Variants in MIS18BP1 observed in about 807,000 individuals in gnomAD.
The protein encoded by MIS18BP1 is MIS18 binding protein 1, also known as mis18-binding protein 1.
MIS18BP1 carries 72 observed loss-of-function variants against 116.1 expected under a neutral mutation model. The ratio of observed to expected loss-of-function variants is 0.62; its 90% CI spans 0.51 to 0.75. MIS18BP1 has a LOEUF of 0.75. MIS18BP1 is among the 30% of genes least tolerant of loss of function. The pLI is 0.00. For synonymous variants in MIS18BP1, 386 were observed against 427.0 expected (o/e 0.90, Z 1.18); for missense variants, 1,363 against 1,303.2 (o/e 1.05, Z -0.71).
Position 45,204,386 on chromosome 14 carries a change from G to C in MIS18BP1, c.3295+13C>G. On this transcript the variant is annotated intron_variant, in intron 16 of 16. Coordinates refer to ENST00000310806, the MANE Select transcript of MIS18BP1 (RefSeq NM_018353.5). ...TAGAACTGAGCCACAAAAGAAAGCT[G>C]TAAGTGTATTACCTGTGTTAAATGG... The C allele has an allele frequency of 6.3e-7, 1 of 1,597,606 alleles. No homozygotes were observed. Among genetic ancestry groups the C allele is most frequent in the Non-Finnish European group, 8.5e-7 (1 of 1,173,870 alleles).
At chr14:45,241,983 G>A in intron 4 of MIS18BP1, 51 bp downstream of exon 4, 1 of 1,522,218 alleles carries the variant, frequency 6.6e-7, no homozygotes, top group Non-Finnish European at 8.8e-7. Context: ...TCAAGCTCTT[G>A]AAGAACGGGG....
At chr14:45,205,721 A>AG (rs1436292691) in intron 15 of MIS18BP1, among the ~76,000 whole-genome samples, 3 of 152,242 alleles carry the variant, frequency 2.0e-5, no homozygotes. Context: ...TTACTTTATG[A>AG]GAATTGTGAC....
chr14:45,251,400 T>C (rs1252959), intron 1 of MIS18BP1, among the ~76,000 whole-genome samples: 27,108 of 152,052 alleles, frequency 0.18, 3,182 homozygotes, highest in African/African-American at 0.33. Flanking sequence ...ACAAGTGACA[T>C]ATATAAATAC....
intron 7 of MIS18BP1, 128 bp from the exon 8 acceptor site, chr14:45,231,426 C>T (rs993076504): frequency 7.9e-6 from 6 of 759,590 alleles, no homozygotes; most frequent in Non-Finnish European, 1.2e-5. Flanking sequence ...TATCTTTAAT[C>T]TTACATTATT....
chr14:45,210,663 G>C, intron 13 of MIS18BP1, 135 bp from the exon 14 acceptor site: 2 of 952,938 alleles, frequency 2.1e-6, no homozygotes, highest in East Asian at 2.5e-5. Context: ...ACAGTAGTAC[G>C]TAGAGGAGTA....
intron 13 of MIS18BP1, among the ~76,000 whole-genome samples, chr14:45,214,681 CA>C (rs765847349): frequency 4.6e-5 from 7 of 152,224 alleles, no homozygotes; most frequent in Non-Finnish European, 1.0e-4. Flanking sequence ...AGGGGCAGGC[CA>C]CCCCTTCAAA....
At chr14:45,240,180 T>C (rs1891537457) in intron 4 of MIS18BP1, among the ~76,000 whole-genome samples, 1 of 151,686 alleles carries the variant, frequency 6.6e-6, no homozygotes, top group South Asian at 2.1e-4. Flanking sequence ...AGAGTGCGTG[T>C]AGGTAGAAAA....
chr14:45,214,886 G>A (rs1388932903), intron 13 of MIS18BP1, among the ~76,000 whole-genome samples: 1 of 152,104 alleles, frequency 6.6e-6, no homozygotes, highest in African/African-American at 2.4e-5. Flanking sequence ...CCAGTAGCTG[G>A]GATTACAGGT....
In MIS18BP1 at chr14:45,247,313, C is replaced by T. The variant is rs1891751119; in HGVS notation, c.-27G>A. 1 of 1,510,968 alleles carries T rather than the reference C, an allele frequency of 6.6e-7. No homozygotes were observed. Among genetic ancestry groups the T allele is most frequent in the Non-Finnish European group, 8.8e-7 (1 of 1,136,982 alleles). The allele number at this position is 1,510,968 out of a possible 1,614,324, so 93.6% of individuals were successfully genotyped here. On this transcript the variant is annotated 5_prime_UTR_variant, in exon 2 of 17. Transcript: ENST00000310806. ...TTGACAAGAAAGTAGCAACCAAGTT[C>T]TTCTAACAGAAAATTCACTTAAGCG... is the stretch of plus-strand genomic sequence containing the variant.
chr14:45,225,897 A>G (rs958913862), intron 10 of MIS18BP1, among the ~76,000 whole-genome samples: 1 of 152,202 alleles, frequency 6.6e-6, no homozygotes, highest in Non-Finnish European at 1.5e-5. Context: ...GATAGATAAT[A>G]TTGAATGCTG....
At chr14:45,213,959 T>C (rs985181347) in intron 13 of MIS18BP1, among the ~76,000 whole-genome samples, 1 of 152,148 alleles carries the variant, frequency 6.6e-6, no homozygotes, top group African/African-American at 2.4e-5. Flanking sequence ...GCAGTATGCT[T>C]GTTAAAAGTC....
intron 11 of MIS18BP1, among the ~76,000 whole-genome samples, chr14:45,222,796 C>T (rs1417137040): frequency 6.6e-6 from 1 of 152,204 alleles, no homozygotes; most frequent in South Asian, 2.1e-4. Flanking sequence ...CCTGGAGTTT[C>T]CCTTGTCAGT....
intron 1 of MIS18BP1, chr14:45,249,915 A>G (rs376824873): frequency 1.3e-5 from 2 of 152,226 alleles, no homozygotes; most frequent in South Asian, 2.1e-4. Context: ...AGACTGCAAA[A>G]CAAAATGGCA....
chr14:45,240,523 A>G (rs750080454), intron 4 of MIS18BP1, among the ~76,000 whole-genome samples: 2 of 151,954 alleles, frequency 1.3e-5, no homozygotes, highest in Middle Eastern at 3.2e-3. Flanking sequence ...CTCTATGCTG[A>G]TAGCTCTCCA....
chr14:45,234,062 T>C (rs1165931768), intron 6 of MIS18BP1, among the ~76,000 whole-genome samples: 1 of 152,046 alleles, frequency 6.6e-6, no homozygotes, highest in African/African-American at 2.4e-5. Context: ...TCAGGCAGCA[T>C]AAAAATTGGA....
At position 45,247,259 on chromosome 14, in the gene MIS18BP1, T is replaced by C. The variant is rs201268574; in HGVS notation, c.28A>G (p.Arg10Gly). 97 of 1,586,754 alleles carry C rather than the reference T, an allele frequency of 6.1e-5. No homozygotes were observed. The highest frequency in any genetic ancestry group is 4.2e-4 in the Admixed American group (22 of 52,782). Residue 10 changes from arginine to glycine, a missense_variant, in exon 2 of 17, where the codon AGA becomes GGA. By Grantham distance (125) the Arg-to-Gly change is moderately radical (BLOSUM62 -2). Coordinates refer to ENST00000310806, the MANE Select transcript of MIS18BP1 (RefSeq NM_018353.5). The part of the protein sequence containing the change: MIATPLKHS[R>G]IYLPPEASSQ... Reference sequence around the variant, plus strand: ...GATGCCTCTGGAGGTAAGTAAATTCTTGAATGTTTCAAAGGTGTTGCAATC... The same window carrying C: ...GATGCCTCTGGAGGTAAGTAAATTCCTGAATGTTTCAAAGGTGTTGCAATC...
chr14:45,226,736 ATAT>A lies in MIS18BP1; in HGVS notation c.1840+4_1840+6del. 1 of 1,374,662 alleles carries A rather than the reference ATAT, an allele frequency of 7.3e-7. No individual in the cohort carries two copies. The highest frequency in any genetic ancestry group is 9.6e-7 in the Non-Finnish European group (1 of 1,040,860). 85.2% of individuals were successfully genotyped at this position (1,374,662 alleles called of 1,614,324 possible). Reference sequence around the variant, plus strand: ...TTATGATTAAAAAACCATTAAAGATATATTACCTTGCTTCTGACTTTTTATTAT... The same window carrying A: ...TTATGATTAAAAAACCATTAAAGATATACCTTGCTTCTGACTTTTTATTAT... On this transcript the variant is annotated splice_donor_5th_base_variant and intron_variant, in intron 10 of 16. Transcript: ENST00000310806.
chr14:45,228,752 T>C (rs1891194136), intron 8 of MIS18BP1, among the ~76,000 whole-genome samples: 2 of 152,232 alleles, frequency 1.3e-5, no homozygotes, highest in Admixed American at 6.5e-5. Context: ...GCTTCTATTA[T>C]GATAGGTCAT....
chr14:45,204,469 T>C lies in MIS18BP1; in HGVS notation c.3241-16A>G. 6.4e-7 allele frequency: 1 copy of C among 1,565,616 alleles called. No homozygotes were observed. The highest frequency in any genetic ancestry group is 1.2e-5 in the South Asian group (1 of 84,516). On this transcript the variant is annotated splice_polypyrimidine_tract_variant and intron_variant, in intron 15 of 16. Coordinates refer to ENST00000310806, the MANE Select transcript of MIS18BP1 (RefSeq NM_018353.5). Reference sequence around the variant, plus strand: ...CAGTTTCAACCTATAAAAGAGTTACTATTAATAGCTAAATGGTACCTCCTG... The same window carrying C: ...CAGTTTCAACCTATAAAAGAGTTACCATTAATAGCTAAATGGTACCTCCTG...
Sources: gnomAD v4.1 joint callset for allele counts (sites outside exome capture counted in the v4.1 genomes callset) on GRCh38, gnomAD v4.1.1 for gene constraint, MANE v1.5 for transcripts, NCBI Gene and HGNC (gene_info 2026-07-23, HGNC 2026-07-21) for gene names.